The following CASK variants were observed in gnomAD, a reference collection of about 807,000 sequenced individuals.
CASK encodes the protein calcium/calmodulin dependent serine protein kinase.
In CASK, 4 loss-of-function variants were observed where a neutral mutation model predicts 82.9. The ratio of observed to expected loss-of-function variants is 0.05; its 90% CI spans 0.02 to 0.11. CASK has a LOEUF of 0.11. Ranked by LOEUF, CASK falls within the 10% of genes least tolerant of loss-of-function variation. The probability of loss-of-function intolerance (pLI) is 1.00; values close to 1 mark genes in which losing one functional copy is unlikely to be tolerated. For synonymous variants in CASK, 259 were observed against 253.5 expected (o/e 1.02, Z -0.20); for missense variants, 358 against 720.9 (o/e 0.50, Z 5.76).
At chrX:41,612,473 C>G (rs1349170608) in intron 11 of CASK, among the ~76,000 whole-genome samples, 1 of 108,455 alleles carries the variant, frequency 9.2e-6, no homozygotes, top group Admixed American at 9.5e-5. Context: ...GCAGCCACCC[C>G]ATCTGGGAAG....
intron 8 of CASK, among the ~76,000 whole-genome samples, chrX:41,639,202 T>A (rs1223260506): frequency 1.8e-5 from 2 of 108,202 alleles, no homozygotes; most frequent in African/African-American, 6.8e-5. Context: ...GCCTCCCGAG[T>A]AGCTGGGACT....
chrX:41,895,094 T>C (rs1229597046), intron 1 of CASK, among the ~76,000 whole-genome samples: 1 of 111,620 alleles, frequency 9.0e-6, no homozygotes, highest in East Asian at 2.8e-4. Flanking sequence ...CAAAACTACC[T>C]TTCTAGAACC....
intron 3 of CASK, among the ~76,000 whole-genome samples, chrX:41,750,890 AAC>A (rs2068776625): frequency 9.0e-6 from 1 of 111,633 alleles, no homozygotes; most frequent in African/African-American, 3.3e-5. Flanking sequence ...AAATTGCTGT[AAC>A]AGTTTCTAAA....
intron 3 of CASK, among the ~76,000 whole-genome samples, chrX:41,766,340 C>A (rs1602589745): frequency 9.0e-6 from 1 of 111,233 alleles, no homozygotes; most frequent in East Asian, 2.8e-4. Context: ...GGCAAGGAAC[C>A]CAGATTTTCA....
chrX:41,776,812 A>G (rs140607286), intron 3 of CASK, among the ~76,000 whole-genome samples: 3,539 of 112,532 alleles, frequency 0.031, 138 homozygotes, highest in African/African-American at 0.11. Flanking sequence ...GATAGACACT[A>G]TGTTCACGAA....
intron 21 of CASK, among the ~76,000 whole-genome samples, chrX:41,552,238 C>G (rs1045777983): frequency 2.7e-5 from 3 of 110,499 alleles, no homozygotes; most frequent in Non-Finnish European, 5.7e-5. Flanking sequence ...TGCCTGGCCC[C>G]TGATACCTTT....
intron 25 of CASK, chrX:41,529,776 T>C (rs1254331830): frequency 8.9e-6 from 1 of 112,550 alleles, no homozygotes; most frequent in Non-Finnish European, 1.9e-5. Flanking sequence ...CTTTCCTCCC[T>C]AGCCCCTTGA....
intron 2 of CASK, among the ~76,000 whole-genome samples, chrX:41,847,768 T>C (rs2147960573): frequency 8.9e-6 from 1 of 112,345 alleles, no homozygotes; most frequent in African/African-American, 3.2e-5. Context: ...TCTGTATTCT[T>C]TTTTATGTGT....
At chrX:41,869,812 C>CAAAAAAAAAAAAAAAAAAAA (rs72190097) in intron 1 of CASK, among the ~76,000 whole-genome samples, 5 of 12,112 alleles carry the variant, frequency 4.1e-4, no homozygotes, top group African/African-American at 8.5e-4. Context: ...GACTCTGTCT[C>CAAAAAAAAAAAAAAAAAAAA]AAAAAAAAAA....
intron 1 of CASK, among the ~76,000 whole-genome samples, chrX:41,875,900 C>T (rs1226410141): frequency 9.0e-6 from 1 of 111,432 alleles, no homozygotes. Context: ...GATCAAGGAG[C>T]TGGCTTAGTG....
At chrX:41,669,250 G>A (rs1412838941) in intron 6 of CASK, among the ~76,000 whole-genome samples, 2 of 111,111 alleles carry the variant, frequency 1.8e-5, no homozygotes, top group Middle Eastern at 4.6e-3. Flanking sequence ...ACATACCAGC[G>A]GTGGGCGGTG....
At chrX:41,895,977 T>G (rs1029554695) in intron 1 of CASK, among the ~76,000 whole-genome samples, 1 of 111,802 alleles carries the variant, frequency 8.9e-6, no homozygotes, top group Non-Finnish European at 1.9e-5. Flanking sequence ...TTTCTCCACA[T>G]AGCAGAGGGC....
chrX:41,622,321 C>T (rs1411674578), intron 11 of CASK, among the ~76,000 whole-genome samples: 1 of 112,283 alleles, frequency 8.9e-6, no homozygotes, highest in Non-Finnish European at 1.9e-5. Context: ...ACTCTTTCCC[C>T]AGAATTAATG....
At position 41,543,042 on chromosome X, in the gene CASK, C is replaced by T. The variant is rs142870523; in HGVS notation, c.2040-236G>A. 4.5e-3 allele frequency among the ~76,000 whole-genome samples: 500 copies of T among 112,096 alleles called. 4 individuals are homozygous for T. Among genetic ancestry groups the T allele is most frequent in the African/African-American group, 0.016 (479 of 30,874 alleles). On this transcript the variant is annotated intron_variant, in intron 21 of 26. Coordinates refer to ENST00000378163, the MANE Select transcript of CASK (RefSeq NM_001367721.1). ...GTATTCCTTGAACATATACTGACAA[C>T]TCAGATTAGATGCCTAAACATGTGG... is the stretch of plus-strand genomic sequence containing the variant.
At chrX:41,647,816 A>G (rs914028525) in intron 8 of CASK, among the ~76,000 whole-genome samples, 6 of 112,010 alleles carry the variant, frequency 5.4e-5, no homozygotes, top group Non-Finnish European at 1.1e-4. Flanking sequence ...CACTTCCCCA[A>G]TCAATACCCT....
At chrX:41,600,980 A>G (rs2065886879) in intron 12 of CASK, among the ~76,000 whole-genome samples, 1 of 112,111 alleles carries the variant, frequency 8.9e-6, no homozygotes, top group Non-Finnish European at 1.9e-5. Flanking sequence ...ATCATGCTAA[A>G]TGAAATAAGC....
chrX:41,782,525 A>C (rs1448878034), intron 3 of CASK, among the ~76,000 whole-genome samples: 1 of 112,154 alleles, frequency 8.9e-6, no homozygotes, highest in Non-Finnish European at 1.9e-5. Context: ...AAGCCACTGG[A>C]AATAATACTT....
chrX:41,614,138 G>A, intron 11 of CASK, among the ~76,000 whole-genome samples: 1 of 111,340 alleles, frequency 9.0e-6, no homozygotes, highest in South Asian at 3.7e-4. Context: ...TGATACAGTC[G>A]AGCTATAAAA....
intron 8 of CASK, among the ~76,000 whole-genome samples, chrX:41,640,587 T>C (rs1009462164): frequency 2.6e-4 from 29 of 111,801 alleles, no homozygotes; most frequent in African/African-American, 4.2e-4. Context: ...AGGTATCTCA[T>C]TGTGGCATTA....
Sources: gnomAD v4.1 joint callset for allele counts (sites outside exome capture counted in the v4.1 genomes callset) on GRCh38, gnomAD v4.1.1 for gene constraint, MANE v1.5 for transcripts, NCBI Gene and HGNC (gene_info 2026-07-23, HGNC 2026-07-21) for gene names.